The following ZNF773 variants were observed in gnomAD, a reference collection of about 807,000 sequenced individuals.
The protein encoded by ZNF773 is zinc finger protein 419B.
ZNF773 carries 11 observed loss-of-function variants against 12.8 expected under a neutral mutation model. That is an observed-to-expected ratio of 0.86 (90% CI 0.54 to 1.42). The LOEUF (loss-of-function observed/expected upper bound fraction) is 1.42. ZNF773 is among the 40% of genes most tolerant of loss of function. The pLI is 0.00. For missense variants in ZNF773, 518 were observed against 527.2 expected, an observed-to-expected ratio of 0.98 and a Z score of 0.17; for synonymous variants, 175 against 178.4, an observed-to-expected ratio of 0.98 and a Z score of 0.15.
chr19:57,508,285 A>G, downstream of ZNF773: 2 of 1,216,716 alleles, frequency 1.6e-6, no homozygotes, highest in Non-Finnish European at 2.1e-6. Context: ...CTGAGAAAAT[A>G]GCCCTCTGTC....
downstream of ZNF773, chr19:57,513,085 C>A: frequency 6.6e-7 from 1 of 1,516,610 alleles, no homozygotes; most frequent in South Asian, 1.3e-5. Flanking sequence ...TCTGCTGGAG[C>A]AGAGAAAGTG....
At position 57,507,743 on chromosome 19, in the gene ZNF773, A is replaced by T; in HGVS notation, c.*319A>T. On this transcript the variant is annotated 3_prime_UTR_variant, in exon 4 of 4. Coordinates refer to ENST00000282292, the MANE Select transcript of ZNF773 (RefSeq NM_198542.3). ...TATTCTCACCACTTTGGGAGGCTGA[A>T]GCGGGCGGATCACAAGGTCAGGACA... 4 of 1,109,640 alleles carry T rather than the reference A, an allele frequency of 3.6e-6. No homozygotes were observed. The South Asian group carries it at 1.1e-4, about 29-fold the overall frequency. 68.7% of individuals were successfully genotyped at this position (1,109,640 alleles called of 1,614,324 possible). A position where few individuals can be genotyped will look rare whatever the true frequency, so the allele number is the denominator to read the frequency against.
chr19:57,504,913 T>C, intron 2 of ZNF773, 127 bp downstream of exon 2: 1 of 1,315,988 alleles, frequency 7.6e-7, no homozygotes, highest in Non-Finnish European at 1.1e-6. Context: ...TATCCTGAAG[T>C]AGCTATTGTA....
chr19:57,503,039 G>C (rs534621658), intron 1 of ZNF773, among the ~76,000 whole-genome samples: 1 of 152,148 alleles, frequency 6.6e-6, no homozygotes, highest in Non-Finnish European at 1.5e-5. Flanking sequence ...TAAAGTGTAG[G>C]GTGGGAGAAA....
At chr19:57,500,811 A>T (rs2089661171) in intron 1 of ZNF773, among the ~76,000 whole-genome samples, 1 of 152,160 alleles carries the variant, frequency 6.6e-6, no homozygotes, top group African/African-American at 2.4e-5. Context: ...TGTCATGTCC[A>T]CATGAGCAGC....
rs2089716799 is a variant in ZNF773, at chr19:57,505,320, C to A, written c.182C>A (p.Thr61Asn). The A allele has an allele frequency of 6.2e-7, 1 of 1,613,076 alleles. No homozygotes were observed. Among genetic ancestry groups the A allele is most frequent in the Non-Finnish European group, 8.5e-7 (1 of 1,179,570 alleles). Residue 61 changes from threonine (T) to asparagine (N), a missense_variant, in exon 3 of 4, where the codon ACC becomes AAC. Physicochemically the swap from Thr to Asn is moderately conservative, Grantham distance 65. Coordinates refer to ENST00000282292, the MANE Select transcript of ZNF773 (RefSeq NM_198542.3). The stretch of plus-strand genomic sequence containing the variant: ...TCCTTAGGACTTGCATCTTCCAAGA[C>A]CCATGAAATAACCCAGCTGGAGTCA... The part of the protein sequence containing the change: ...LASLGLASSK[T>N]HEITQLESWE...
At chr19:57,512,373 G>A (rs1044608026), downstream of ZNF773, among the ~76,000 whole-genome samples, 1 of 148,768 alleles carries the variant, frequency 6.7e-6, no homozygotes, top group Non-Finnish European at 1.5e-5. Context: ...TGCTTCCAGA[G>A]AAATGTAAAC....
At chr19:57,513,012 CTTCA>C, downstream of ZNF773, 1 of 1,555,048 alleles carries the variant, frequency 6.4e-7, no homozygotes, top group Non-Finnish European at 8.7e-7. Context: ...ATTTGTCCTT[CTTCA>C]TTCAGTCCCG....
At position 57,499,963 on chromosome 19, in the gene ZNF773, A is replaced by C; in HGVS notation, c.-118A>C. On this transcript the variant is annotated 5_prime_UTR_variant, in exon 1 of 4. Transcript: ENST00000282292. Reference sequence around the variant, plus strand: ...GTTCGCTGCGGCGACCAGCTCCGGAAAGCGCGGTGGGGACGCGCTGTGTTC... The same window carrying C: ...GTTCGCTGCGGCGACCAGCTCCGGACAGCGCGGTGGGGACGCGCTGTGTTC... 1 of 1,359,610 alleles carries C rather than the reference A, an allele frequency of 7.4e-7. No individual in the cohort carries two copies. Among genetic ancestry groups the C allele is most frequent in the Non-Finnish European group, 9.8e-7 (1 of 1,015,282 alleles). 84.2% of individuals were successfully genotyped at this position (1,359,610 alleles called of 1,614,324 possible). A position where few individuals can be genotyped will look rare whatever the true frequency, so the allele number is the denominator to read the frequency against.
rs150746328 is a variant in ZNF773 at position 57,508,090 on chromosome 19, G to A, written c.*666G>A. The A allele has an allele frequency of 0.017, 13,407 of 804,208 alleles. 161 individuals are homozygous for A. The highest frequency in any genetic ancestry group is 0.038 in the Middle Eastern group (59 of 1,572). The allele number at this position is 804,208 out of a possible 1,614,324, so 49.8% of individuals were successfully genotyped here. A position where few individuals can be genotyped will look rare whatever the true frequency, so the allele number is the denominator to read the frequency against. On this transcript the variant is annotated 3_prime_UTR_variant, in exon 4 of 4. Transcript: ENST00000282292. ...CGGGAGGCGGAGGTTGCATTGAGCCGAGATCACGCCACTGCACTCCAGCTT... is the reference window on the plus strand; with the variant it reads ...CGGGAGGCGGAGGTTGCATTGAGCCAAGATCACGCCACTGCACTCCAGCTT...
chr19:57,508,987 T>G (rs1478120347), downstream of ZNF773, among the ~76,000 whole-genome samples: 1 of 152,102 alleles, frequency 6.6e-6, no homozygotes, highest in Non-Finnish European at 1.5e-5. Context: ...AAAATTAGAG[T>G]TGAGGTCTTG....
rs1390471856 is a variant in ZNF773 at position 57,507,406 on chromosome 19, C to T, written c.1311C>T (p.His437=). The change falls in exon 4 of 4, where the codon CAC becomes CAT. Residue 437 remains histidine (H), a synonymous_variant. Coordinates refer to ENST00000282292, the MANE Select transcript of ZNF773 (RefSeq NM_198542.3). ...SSSLVKHRRI[H]TGEIQ ...GTCTTGTTAAACATCGAAGGATTCACACTGGAGAAATACAATGATTGTGAG... is the reference window on the plus strand; with the variant it reads ...GTCTTGTTAAACATCGAAGGATTCATACTGGAGAAATACAATGATTGTGAG... 2 of 1,600,338 alleles carry T rather than the reference C, an allele frequency of 1.2e-6. No individual in the cohort carries two copies. Among genetic ancestry groups the T allele is most frequent in the South Asian group, 1.1e-5 (1 of 88,510 alleles).
chr19:57,506,671 A>C lies in ZNF773; in HGVS notation c.576A>C (p.Lys192Asn), dbSNP rs755469865. The change falls in exon 4 of 4, where the codon AAA (lysine) becomes AAC (asparagine). Residue 192 changes from lysine to asparagine, a missense_variant. Physicochemically the swap from Lys to Asn is moderately conservative, Grantham distance 94 (BLOSUM62 0). Coordinates refer to ENST00000282292, the MANE Select transcript of ZNF773 (RefSeq NM_198542.3). The stretch of plus-strand genomic sequence containing the variant: ...TTCATGCTGGAAAAAGGCATTACAA[A>C]TGCAGTGAATGTGGGAAAGCCTTTG... ...EAFHAGKRHYKCSECGKAFGQ... is the reference protein window; with the variant it reads ...EAFHAGKRHYNCSECGKAFGQ... 14 of 1,614,234 alleles carry C rather than the reference A, an allele frequency of 8.7e-6. No individual in the cohort carries two copies. In the South Asian group the frequency reaches 1.4e-4, roughly 16 times the overall value.
chr19:57,518,336 T>C (rs1241201134), exon 5 of ZNF773: 4 of 152,280 alleles, frequency 2.6e-5, no homozygotes, highest in Non-Finnish European at 5.9e-5. Flanking sequence ...CATTACCTCT[T>C]CCTCCCTGTT....
rs564549262 is a variant in ZNF773, at chr19:57,504,640, A to T, written c.34-17A>T. 732 of 1,613,460 alleles carry T rather than the reference A, an allele frequency of 4.5e-4. 11 individuals carry two copies. The South Asian group carries it at 7.5e-3, about 17-fold the overall frequency. ...CAGTAAGGAGACCGCAGATAAACTCAACTCTGTCCATCTTAGCAGGGCTAT... is the reference window on the plus strand; with the variant it reads ...CAGTAAGGAGACCGCAGATAAACTCTACTCTGTCCATCTTAGCAGGGCTAT... On this transcript the variant is annotated splice_polypyrimidine_tract_variant and intron_variant, in intron 1 of 3. Transcript: ENST00000282292.
chr19:57,509,842 C>T (rs1294823911), downstream of ZNF773, among the ~76,000 whole-genome samples: 10 of 152,110 alleles, frequency 6.6e-5, no homozygotes, highest in Admixed American at 6.5e-4. Flanking sequence ...AGGGTCATTC[C>T]TAAAACATGT....
At chr19:57,501,302 C>T (rs1222782649) in intron 1 of ZNF773, among the ~76,000 whole-genome samples, 1 of 134,896 alleles carries the variant, frequency 7.4e-6, no homozygotes. Flanking sequence ...TTTTTTGAGA[C>T]AGAATTCTGC....
At chr19:57,511,426 G>A (rs1407627331), downstream of ZNF773, among the ~76,000 whole-genome samples, 1 of 152,122 alleles carries the variant, frequency 6.6e-6, no homozygotes, top group Non-Finnish European at 1.5e-5. Context: ...AATTGAGAGA[G>A]TAAAGTATTA....
chr19:57,516,132 A>G (rs1600158053), downstream of ZNF773: 2 of 155,230 alleles, frequency 1.3e-5, no homozygotes, highest in African/African-American at 4.8e-5. Flanking sequence ...ATGGATCTCA[A>G]CTGTGGGCCC....
Sources: allele counts gnomAD v4.1 joint callset (sites outside exome capture counted in the v4.1 genomes callset), GRCh38; gene constraint gnomAD v4.1.1; transcripts MANE v1.5; gene names NCBI Gene and HGNC (gene_info 2026-07-23, HGNC 2026-07-21).